Variants in MFAP5 observed in about 807,000 individuals in gnomAD.
MFAP5 encodes microfibril associated protein 5, also known as microfibrillar-associated protein 5.
In MFAP5, 19 loss-of-function variants were observed where a neutral mutation model predicts 30.1. The observed-to-expected ratio is 0.63, with a 90% CI of 0.44 to 0.93. The LOEUF (loss-of-function observed/expected upper bound fraction) is 0.93, where lower values mean the gene tolerates loss of function less well. Among genes scored for constraint, MFAP5 ranks in the 40% least tolerant of loss-of-function variants. The pLI, the probability that MFAP5 is intolerant of heterozygous loss-of-function variation, is 0.00. For missense variants in MFAP5, 210 were observed against 221.3 expected, an observed-to-expected ratio of 0.95 and a Z score of 0.32; for synonymous variants, 92 against 72.9, an observed-to-expected ratio of 1.26 and a Z score of -1.33.
chr12:8,655,505 A>G, intron 4 of MFAP5, 58 bp from the exon 5 acceptor site: 3 of 1,545,622 alleles, frequency 1.9e-6, no homozygotes, highest in Non-Finnish European at 1.8e-6. Context: ...AGCTAAGGAA[A>G]GCAGGATAAG....
chr12:8,658,281 C>T (rs919181478), intron 3 of MFAP5, among the ~76,000 whole-genome samples: 3 of 151,944 alleles, frequency 2.0e-5, no homozygotes, highest in African/African-American at 4.8e-5. Context: ...ACTCAGGAGG[C>T]GGAGGTTGCA....
At chr12:8,653,070 T>A (rs2136465926) in intron 6 of MFAP5, among the ~76,000 whole-genome samples, 1 of 151,760 alleles carries the variant, frequency 6.6e-6, no homozygotes, top group Middle Eastern at 3.4e-3. Context: ...TGGGCGCCTG[T>A]AATCCCAGCT....
chr12:8,653,448 A>C (rs995127893), intron 6 of MFAP5, among the ~76,000 whole-genome samples: 1 of 152,042 alleles, frequency 6.6e-6, no homozygotes, highest in Non-Finnish European at 1.5e-5. Context: ...CAATGCACAA[A>C]TCTAATTATA....
intron 1 of MFAP5, 138 bp from the exon 2 acceptor site, chr12:8,662,244 C>G: frequency 3.1e-6 from 2 of 648,926 alleles, no homozygotes; most frequent in Non-Finnish European, 5.3e-6. Flanking sequence ...TGACTCAAAC[C>G]CTTTCTCTCT....
At chr12:8,650,439 A>G in intron 8 of MFAP5, 63 bp downstream of exon 8, 1 of 1,523,200 alleles carries the variant, frequency 6.6e-7, no homozygotes, top group Non-Finnish European at 9.1e-7. Flanking sequence ...TGCTCATTAA[A>G]TAGTTATCAA....
intron 6 of MFAP5, 73 bp from the exon 7 acceptor site, chr12:8,651,764 C>T: frequency 7.4e-7 from 1 of 1,359,800 alleles, no homozygotes; most frequent in East Asian, 2.3e-5. Context: ...CACACTGCCT[C>T]ACTTAGGACC....
chr12:8,660,027 C>A (rs186887666), intron 3 of MFAP5, among the ~76,000 whole-genome samples: 1 of 151,930 alleles, frequency 6.6e-6, no homozygotes. Context: ...TTCATGAAGT[C>A]GAAGGAAGTG....
intron 5 of MFAP5, 108 bp downstream of exon 5, chr12:8,655,307 A>G: frequency 5.3e-6 from 6 of 1,128,338 alleles, no homozygotes; most frequent in Non-Finnish European, 7.5e-6. Context: ...ACAATAACAA[A>G]AAACAAAAGC....
intron 7 of MFAP5, among the ~76,000 whole-genome samples, 198 bp from the exon 8 acceptor site, chr12:8,650,787 C>T (rs1941816499): frequency 2.0e-5 from 3 of 152,116 alleles, no homozygotes; most frequent in South Asian, 2.1e-4. Flanking sequence ...GAAGTTTTGG[C>T]GCTTCCCTAC....
At chr12:8,650,833 C>T (rs1036073503) in intron 7 of MFAP5, among the ~76,000 whole-genome samples, 1 of 152,148 alleles carries the variant, frequency 6.6e-6, no homozygotes, top group Non-Finnish European at 1.5e-5. Flanking sequence ...TCTCTGAGAG[C>T]ACTTCTAGGA....
chr12:8,649,473 T>A, intron 9 of MFAP5, 28 bp downstream of exon 9: 1 of 1,600,764 alleles, frequency 6.2e-7, no homozygotes, highest in Non-Finnish European at 8.6e-7. Context: ...ACTGCTTCTC[T>A]CCATTAAACA....
rs56176308 is a variant in MFAP5, at chr12:8,652,445, A to AAAATAAAT, written c.218-762_218-755dup. Among the ~76,000 whole-genome samples the AAAATAAAT allele has an allele frequency of 3.6e-3, 535 of 147,662 alleles. 7 individuals carry two copies. Among genetic ancestry groups the AAAATAAAT allele is most frequent in the African/African-American group, 0.011 (446 of 39,844 alleles). On this transcript the variant is annotated intron_variant, in intron 6 of 9. Coordinates refer to ENST00000359478, the MANE Select transcript of MFAP5 (RefSeq NM_003480.4). ...AGGTGACAGAGGGAGACTCCATCTCAAAATAAATAAATAAATAAATAAATA... is the reference window on the plus strand; with the variant it reads ...AGGTGACAGAGGGAGACTCCATCTCAAAATAAATAAATAAATAAATAAATAAATAAATA...
At chr12:8,653,891 G>A (rs866156784) in intron 6 of MFAP5, among the ~76,000 whole-genome samples, 2 of 152,106 alleles carry the variant, frequency 1.3e-5, no homozygotes, top group Admixed American at 6.5e-5. Context: ...TTGGGAGGCC[G>A]AGGCAGGTGG....
At chr12:8,653,009 T>C (rs762218215) in intron 6 of MFAP5, among the ~76,000 whole-genome samples, 1 of 151,902 alleles carries the variant, frequency 6.6e-6, no homozygotes, top group African/African-American at 2.4e-5. Context: ...GGCCAACGTG[T>C]TGAAACCCCG....
At chr12:8,661,665 C>T (rs908355970) in intron 2 of MFAP5, among the ~76,000 whole-genome samples, 2 of 151,880 alleles carry the variant, frequency 1.3e-5, no homozygotes, top group Non-Finnish European at 1.5e-5. Context: ...GTGAGCCCAC[C>T]ATGCCCAGCC....
chr12:8,651,572 G>A, intron 7 of MFAP5, 90 bp downstream of exon 7: 2 of 1,260,012 alleles, frequency 1.6e-6, no homozygotes, highest in Admixed American at 1.8e-5. Context: ...TAAACTAGAA[G>A]ATGTGCCAAG....
At chr12:8,651,505 TA>T (rs199753618) in intron 7 of MFAP5, among the ~76,000 whole-genome samples, 156 bp downstream of exon 7, 8 of 151,684 alleles carry the variant, frequency 5.3e-5, no homozygotes, top group African/African-American at 1.7e-4. Context: ...CTCATTTTTT[TA>T]AAAAAAAGAG....
At position 8,650,530 on chromosome 12, in the gene MFAP5, G is replaced by C. The variant is rs767940141; in HGVS notation, c.307C>G (p.Gln103Glu). The change falls in exon 8 of 10, where the codon CAA becomes GAA. Residue 103 changes from glutamine to glutamate, a missense_variant. Physicochemically the swap from Gln to Glu is conservative, Grantham distance 29. Transcript: ENST00000359478. ...RLYSVHRPVK[Q>E]CIHQLCFTSL... ...GTGAAGCATAACTGATGAATGCATT[G>C]TTTAACCGGCCGATGCACAGAGTAG... The C allele has an allele frequency of 1.1e-5, 17 of 1,614,006 alleles. No individual in the cohort carries two copies. The highest frequency in any genetic ancestry group is 1.4e-5 in the Non-Finnish European group (17 of 1,180,036).
chr12:8,656,664 A>ATT (rs1270184257), intron 3 of MFAP5, among the ~76,000 whole-genome samples: 38 of 126,738 alleles, frequency 3.0e-4, no homozygotes, highest in African/African-American at 1.1e-3. Context: ...ATATATATAT[A>ATT]TATATTTTTT....
Sources: allele counts gnomAD v4.1 joint callset (sites outside exome capture counted in the v4.1 genomes callset), GRCh38; gene constraint gnomAD v4.1.1; transcripts MANE v1.5; gene names NCBI Gene and HGNC (gene_info 2026-07-23, HGNC 2026-07-21).